Variants in RABGAP1 observed in about 807,000 individuals in gnomAD.
RABGAP1 encodes rab GTPase-activating protein 1.
A neutral mutation model predicts 137.6 loss-of-function variants in RABGAP1; 23 were observed. That is an observed-to-expected ratio of 0.17 (90% CI 0.12 to 0.24). RABGAP1 has a LOEUF of 0.24. Among genes scored for constraint, RABGAP1 ranks in the 10% least tolerant of loss-of-function variants. The probability of loss-of-function intolerance (pLI) is 1.00; values close to 1 mark genes in which losing one functional copy is unlikely to be tolerated. For missense variants in RABGAP1, 906 were observed against 1,275.8 expected (o/e 0.71, Z 4.42); for synonymous variants, 451 against 450.7 (o/e 1.00, Z -0.01).
chr9:123,091,462 A>G (rs1208994533), intron 21 of RABGAP1, among the ~76,000 whole-genome samples: 1 of 152,218 alleles, frequency 6.6e-6, no homozygotes, highest in Non-Finnish European at 1.5e-5. Context: ...GGTGAGACAG[A>G]GACCACAGTA....
At chr9:122,948,787 A>G (rs1291463612) in intron 1 of RABGAP1, among the ~76,000 whole-genome samples, 3 of 152,142 alleles carry the variant, frequency 2.0e-5, no homozygotes, top group Non-Finnish European at 4.4e-5. Flanking sequence ...TTTAGTCTTC[A>G]TCCATGTCCA....
intron 21 of RABGAP1, among the ~76,000 whole-genome samples, chr9:123,091,863 A>T (rs1405654752): frequency 6.6e-6 from 1 of 152,016 alleles, no homozygotes; most frequent in Non-Finnish European, 1.5e-5. Flanking sequence ...TTCCCAGCAT[A>T]TCCTCTGTTC....
At position 123,044,626 on chromosome 9, in the gene RABGAP1, C is replaced by CGTGTGTGTGT. The variant is rs68089109; in HGVS notation, c.1795-20703_1795-20694dup. ...GAAGGAATATAGGAAAACACACGTA[C>CGTGTGTGTGT]GTGTGTGTGTGTGTGTGTGTGTGTG... On this transcript the variant is annotated intron_variant, in intron 13 of 25. Coordinates refer to ENST00000373647, the MANE Select transcript of RABGAP1 (RefSeq NM_012197.4). Among the ~76,000 whole-genome samples the CGTGTGTGTGT allele has an allele frequency of 3.7e-4, 55 of 149,084 alleles. 1 individual carries two copies. The highest frequency in any genetic ancestry group is 1.3e-3 in the African/African-American group (51 of 40,536).
At chr9:123,059,620 A>G (rs1031982617) in intron 13 of RABGAP1, among the ~76,000 whole-genome samples, 3 of 152,120 alleles carry the variant, frequency 2.0e-5, no homozygotes, top group African/African-American at 7.2e-5. Context: ...CTGTTAGGAG[A>G]TGGGGCCTTT....
At position 122,983,443 on chromosome 9, in the gene RABGAP1, A is replaced by G. The variant is rs1836191746; in HGVS notation, c.151-1042A>G. ...GCAAAAAAGACTTGTCTTTTTCTCA[A>G]TTATAATTTGCAGCACAAGAGACTT... On this transcript the variant is annotated intron_variant, in intron 2 of 25. Coordinates refer to ENST00000373647, the MANE Select transcript of RABGAP1 (RefSeq NM_012197.4). Among the ~76,000 whole-genome samples the G allele has an allele frequency of 5.9e-5, 9 of 152,300 alleles. No homozygotes were observed. In the South Asian group the frequency reaches 1.7e-3, roughly 28 times the overall value.
intron 13 of RABGAP1, among the ~76,000 whole-genome samples, chr9:123,027,200 T>G (rs1383587197): frequency 1.3e-5 from 2 of 151,536 alleles, no homozygotes; most frequent in African/African-American, 4.8e-5. Flanking sequence ...CACTGGAACT[T>G]CCGCCTCCCA....
chr9:123,097,272 A>G (rs2035213069), intron 21 of RABGAP1, among the ~76,000 whole-genome samples: 1 of 152,266 alleles, frequency 6.6e-6, no homozygotes, highest in Non-Finnish European at 1.5e-5. Flanking sequence ...ATCAGGTAAT[A>G]ACAAGAGAAA....
intron 1 of RABGAP1, among the ~76,000 whole-genome samples, chr9:122,950,850 C>T (rs1435826524): frequency 1.3e-5 from 2 of 151,856 alleles, no homozygotes; most frequent in Non-Finnish European, 2.9e-5. Context: ...AAAAGAAGGA[C>T]GATGATGTGA....
chr9:123,025,113 A>G (rs1321180234), intron 13 of RABGAP1, among the ~76,000 whole-genome samples: 1 of 152,184 alleles, frequency 6.6e-6, no homozygotes, highest in Non-Finnish European at 1.5e-5. Context: ...ATGAGAAAGC[A>G]GTTCGATTTT....
chr9:123,000,283 A>G (rs1432083370), intron 10 of RABGAP1, among the ~76,000 whole-genome samples: 1 of 152,144 alleles, frequency 6.6e-6, no homozygotes, highest in African/African-American at 2.4e-5. Context: ...ACTTGATCAA[A>G]GTTAAACTTC....
chr9:122,965,545 G>A lies in RABGAP1; in HGVS notation c.150+8336G>A, dbSNP rs148016754. On this transcript the variant is annotated intron_variant, in intron 2 of 25. Coordinates refer to ENST00000373647, the MANE Select transcript of RABGAP1 (RefSeq NM_012197.4). ...ATTACAGGCATGCACCACCATGCTT[G>A]GCTACTTTTTGTATTTTTAGTAAAG... Among the ~76,000 whole-genome samples, 446 of 152,156 alleles carry A rather than the reference G, an allele frequency of 2.9e-3. 2 individuals carry two copies. Among genetic ancestry groups the A allele is most frequent in the African/African-American group, 0.01 (422 of 41,490 alleles).
In RABGAP1 at chr9:122,957,015, TA is replaced by T. The variant is rs766074057; in HGVS notation, c.-39del. The T allele has an allele frequency of 7.9e-6, 11 of 1,398,690 alleles. No individual in the cohort carries two copies. The highest frequency in any genetic ancestry group is 1.4e-5 in the African/African-American group (1 of 70,042). 86.6% of individuals were successfully genotyped at this position (1,398,690 alleles called of 1,614,324 possible). On this transcript the variant is annotated 5_prime_UTR_variant, in exon 2 of 26. Transcript: ENST00000373647. Reference sequence around the variant, plus strand: ...TTTATGGTTTTTGTTTTTCAGGCATTAAAAAATATTTAATCATTCATGTGTT... The same window carrying T: ...TTTATGGTTTTTGTTTTTCAGGCATTAAAAATATTTAATCATTCATGTGTT...
At chr9:123,017,312 C>T (rs10818777) in intron 12 of RABGAP1, among the ~76,000 whole-genome samples, 11,910 of 152,182 alleles carry the variant, frequency 0.078, 1,629 homozygotes, top group East Asian at 0.61. Flanking sequence ...ACTTGGAATT[C>T]GTTTTGTTAT....
chr9:123,027,613 C>T (rs2032053500), intron 13 of RABGAP1, among the ~76,000 whole-genome samples: 1 of 152,142 alleles, frequency 6.6e-6, no homozygotes, highest in Non-Finnish European at 1.5e-5. Context: ...GGATACCCAA[C>T]AATAAAAGGA....
At chr9:123,012,657 A>T (rs2030904871) in intron 11 of RABGAP1, among the ~76,000 whole-genome samples, 1 of 152,254 alleles carries the variant, frequency 6.6e-6, no homozygotes, top group Admixed American at 6.5e-5. Context: ...ATGGAACACT[A>T]GAACATAAGC....
At chr9:122,983,873 A>G (rs1836222354) in intron 2 of RABGAP1, among the ~76,000 whole-genome samples, 1 of 152,218 alleles carries the variant, frequency 6.6e-6, no homozygotes, top group Non-Finnish European at 1.5e-5. Context: ...CCATAGAATT[A>G]CTTGATATTA....
At chr9:123,100,382 G>GGT (rs1431572035) in intron 24 of RABGAP1, among the ~76,000 whole-genome samples, 81 of 130,362 alleles carry the variant, frequency 6.2e-4, no homozygotes, top group South Asian at 1.6e-3. Flanking sequence ...TGTTTAACCA[G>GGT]ATGTGTGTGT....
At position 122,986,322 on chromosome 9, in the gene RABGAP1, G is replaced by T; in HGVS notation, c.493G>T (p.Val165Leu). 1 of 1,614,106 alleles carries T rather than the reference G, an allele frequency of 6.2e-7. No homozygotes were observed. Among genetic ancestry groups the T allele is most frequent in the South Asian group, 1.1e-5 (1 of 91,084 alleles). ...CASVNAPRSE[V>L]EALRMMSILR... ...CTCGGTAAATGCTCCCAGGAGTGAA[G>T]TGGAAGCCTTAAGGATGATGTCCAT... The change falls in exon 4 of 26, where the codon GTG (valine) becomes TTG (leucine). Residue 165 changes from valine to leucine, a missense_variant. By Grantham distance (32) the Val-to-Leu change is conservative. Transcript: ENST00000373647.
intron 19 of RABGAP1, among the ~76,000 whole-genome samples, chr9:123,081,374 A>G (rs760538572): frequency 2.6e-4 from 39 of 152,280 alleles, no homozygotes; most frequent in Non-Finnish European, 4.3e-4. Context: ...TCAAGGTGAG[A>G]ATTGGAAATA....
Sources: gnomAD v4.1 joint callset for allele counts (sites outside exome capture counted in the v4.1 genomes callset) on GRCh38, gnomAD v4.1.1 for gene constraint, MANE v1.5 for transcripts, NCBI Gene and HGNC (gene_info 2026-07-23, HGNC 2026-07-21) for gene names.